The following GPR158 variants were observed in gnomAD, a reference collection of about 807,000 sequenced individuals.
The protein encoded by GPR158 is metabotropic glycine receptor.
A neutral mutation model predicts 78.2 loss-of-function variants in GPR158; 30 were observed. The ratio of observed to expected loss-of-function variants is 0.38; its 90% CI spans 0.29 to 0.52. The LOEUF (loss-of-function observed/expected upper bound fraction) is 0.52. Ranked by LOEUF, GPR158 falls within the 20% of genes least tolerant of loss-of-function variation. GPR158 has a pLI of 0.83. For missense variants in GPR158, 1,463 were observed against 1,523.5 expected, an observed-to-expected ratio of 0.96 and a Z score of 0.66; for synonymous variants, 581 against 591.1, an observed-to-expected ratio of 0.98 and a Z score of 0.25.
At chr10:25,316,995 A>G (rs529899602) in intron 2 of GPR158, among the ~76,000 whole-genome samples, 17 of 150,944 alleles carry the variant, frequency 1.1e-4, no homozygotes, top group Non-Finnish European at 2.1e-4. Flanking sequence ...AATTATACAT[A>G]TCCATTCTTT....
chr10:25,563,437 T>C (rs1836884867), intron 6 of GPR158, among the ~76,000 whole-genome samples: 1 of 152,218 alleles, frequency 6.6e-6, no homozygotes, highest in African/African-American at 2.4e-5. Flanking sequence ...TTTAATATAA[T>C]TACTCATAAG....
chr10:25,595,679 CAA>C (rs1837395326), intron 9 of GPR158, among the ~76,000 whole-genome samples: 1 of 152,124 alleles, frequency 6.6e-6, no homozygotes, highest in East Asian at 1.9e-4. Flanking sequence ...CCAGAATGGG[CAA>C]ATCTATAGAA....
intron 2 of GPR158, among the ~76,000 whole-genome samples, chr10:25,282,347 G>C (rs141960576): frequency 6.6e-6 from 1 of 152,220 alleles, no homozygotes; most frequent in East Asian, 1.9e-4. Flanking sequence ...CCATTGTAGG[G>C]ATTGTAACAT....
chr10:25,300,966 G>GT (rs1351951994), intron 2 of GPR158, among the ~76,000 whole-genome samples: 8 of 152,256 alleles, frequency 5.3e-5, no homozygotes, highest in African/African-American at 1.4e-4. Flanking sequence ...ATTGATTGAT[G>GT]TTTTTTCATG....
chr10:25,229,458 T>A (rs777512911), intron 2 of GPR158, among the ~76,000 whole-genome samples: 27 of 152,200 alleles, frequency 1.8e-4, no homozygotes, highest in Non-Finnish European at 2.9e-4. Context: ...ACACTAACGA[T>A]GGCTGCAACT....
At chr10:25,568,952 T>G (rs940554508) in intron 6 of GPR158, among the ~76,000 whole-genome samples, 4 of 152,200 alleles carry the variant, frequency 2.6e-5, no homozygotes, top group Admixed American at 1.3e-4. Flanking sequence ...ACAGTTGTAT[T>G]TCATACAAAT....
At chr10:25,196,670 G>T (rs1232142019) in intron 1 of GPR158, among the ~76,000 whole-genome samples, 1 of 152,154 alleles carries the variant, frequency 6.6e-6, no homozygotes, top group African/African-American at 2.4e-5. Flanking sequence ...GGCAGTCTCT[G>T]CCCCACCCTG....
At chr10:25,245,322 G>A (rs1471278037) in intron 2 of GPR158, among the ~76,000 whole-genome samples, 6 of 152,152 alleles carry the variant, frequency 3.9e-5, no homozygotes. Flanking sequence ...CATGTCTTCT[G>A]TCAGTAAATC....
chr10:25,474,044 A>T (rs1330942621), intron 5 of GPR158, among the ~76,000 whole-genome samples: 1 of 152,118 alleles, frequency 6.6e-6, no homozygotes, highest in Admixed American at 6.6e-5. Context: ...AAAAGAGGGA[A>T]GCAGAAGAGA....
chr10:25,296,674 G>C (rs577124727), intron 2 of GPR158, among the ~76,000 whole-genome samples: 1 of 151,838 alleles, frequency 6.6e-6, no homozygotes, highest in African/African-American at 2.4e-5. Flanking sequence ...CAACATGCCA[G>C]ATGTGATTCT....
intron 2 of GPR158, among the ~76,000 whole-genome samples, chr10:25,379,488 T>G (rs1209269418): frequency 6.6e-6 from 1 of 152,138 alleles, no homozygotes; most frequent in Non-Finnish European, 1.5e-5. Context: ...CCAGGATTGT[T>G]TACTAGGACC....
intron 1 of GPR158, among the ~76,000 whole-genome samples, chr10:25,197,159 C>T (rs980136135): frequency 6.6e-6 from 1 of 152,174 alleles, no homozygotes; most frequent in Non-Finnish European, 1.5e-5. Flanking sequence ...TAAACAAGAA[C>T]GTGAACCTAG....
At chr10:25,208,413 GA>G (rs962830143) in intron 1 of GPR158, among the ~76,000 whole-genome samples, 1 of 152,220 alleles carries the variant, frequency 6.6e-6, no homozygotes, top group Non-Finnish European at 1.5e-5. Flanking sequence ...CTAAATAAAT[GA>G]TGGTATTCAA....
chr10:25,462,739 T>C (rs1011536504), intron 4 of GPR158, among the ~76,000 whole-genome samples: 1 of 152,196 alleles, frequency 6.6e-6, no homozygotes, highest in Non-Finnish European at 1.5e-5. Context: ...GAATTAGAAT[T>C]AGCAGTGTAG....
At chr10:25,224,244 T>C (rs999934440) in intron 2 of GPR158, among the ~76,000 whole-genome samples, 5 of 152,160 alleles carry the variant, frequency 3.3e-5, no homozygotes, top group African/African-American at 1.2e-4. Context: ...TTGTTTTAAA[T>C]ATTTTCTTTT....
At chr10:25,418,045 T>C (rs925469266) in intron 4 of GPR158, among the ~76,000 whole-genome samples, 1 of 152,112 alleles carries the variant, frequency 6.6e-6, no homozygotes, top group African/African-American at 2.4e-5. Flanking sequence ...GGAAAACCAA[T>C]AACAATGTCA....
At chr10:25,445,039 T>C (rs571377422) in intron 4 of GPR158, among the ~76,000 whole-genome samples, 1 of 152,278 alleles carries the variant, frequency 6.6e-6, no homozygotes, top group South Asian at 2.1e-4. Flanking sequence ...TATTTAAACT[T>C]GAAATGGAGA....
intron 2 of GPR158, among the ~76,000 whole-genome samples, chr10:25,249,195 C>T (rs1407688546): frequency 1.3e-5 from 2 of 152,048 alleles, no homozygotes; most frequent in Non-Finnish European, 2.9e-5. Context: ...TGCTTATCAG[C>T]TTAAGGAGAT....
intron 7 of GPR158, among the ~76,000 whole-genome samples, chr10:25,586,391 A>T (rs10458705): frequency 0.049 from 3,461 of 70,736 alleles, 210 homozygotes; most frequent in East Asian, 0.06. Context: ...GTATGTGTGA[A>T]TTTTTTTTTT....
Sources: allele counts gnomAD v4.1 joint callset (sites outside exome capture counted in the v4.1 genomes callset), GRCh38; gene constraint gnomAD v4.1.1; transcripts MANE v1.5; gene names NCBI Gene and HGNC (gene_info 2026-07-23, HGNC 2026-07-21).